Variants in ARFGAP2 observed in about 807,000 individuals in gnomAD.
ARFGAP2 encodes the protein ARF GTPase activating protein 2.
In ARFGAP2, 45 loss-of-function variants were observed where a neutral mutation model predicts 71.9. The observed-to-expected ratio is 0.63, with a 90% CI of 0.49 to 0.80. ARFGAP2 has a LOEUF of 0.80. Ranked by LOEUF, ARFGAP2 falls within the 30% of genes least tolerant of loss-of-function variation. The pLI, the probability that ARFGAP2 is intolerant of heterozygous loss-of-function variation, is 0.00. For missense variants in ARFGAP2, 633 were observed against 673.9 expected, an observed-to-expected ratio of 0.94 and a Z score of 0.67; for synonymous variants, 248 against 249.2, an observed-to-expected ratio of 1.00 and a Z score of 0.05.
rs1565123482 is a variant in ARFGAP2 at position 47,166,817 on chromosome 11, G to A, written c.1275C>T (p.Phe425=). 20 of 1,614,080 alleles carry A rather than the reference G, an allele frequency of 1.2e-5. 1 individual carries two copies. Among genetic ancestry groups the A allele is most frequent in the South Asian group, 4.4e-5 (4 of 91,088 alleles). The change falls in exon 13 of 16, where the codon TTC becomes TTT. Residue 425 remains phenylalanine, a synonymous_variant. Transcript: ENST00000524782. ...CAGATGAGATGGCTTTGGCTCCTGC[G>A]AATTTCTGACGCGCCTCACTAGACT... ...GLESSEARQK[F]AGAKAISSDM... is the part of the protein sequence containing the mutation.
intron 10 of ARFGAP2, among the ~76,000 whole-genome samples, chr11:47,170,844 G>C (rs1952571596): frequency 2.0e-5 from 3 of 152,108 alleles, no homozygotes; most frequent in Admixed American, 2.0e-4. Flanking sequence ...TATTTGGGAG[G>C]CTGAAGTGGA....
rs1402470859 is a variant in ARFGAP2, at chr11:47,176,098, T to C, written c.192-175A>G. The C allele has an allele frequency of 5.7e-5, 37 of 645,578 alleles. No individual in the cohort carries two copies. In the East Asian group the frequency reaches 9.6e-4, roughly 17 times the overall value. 40.0% of individuals were successfully genotyped at this position (645,578 alleles called of 1,614,324 possible). ...ATGAAAACTCTCCTCTTCGTTCATT[T>C]ACTCCAAAGAGTACTAATTATGTCC... On this transcript the variant is annotated intron_variant, in intron 2 of 15. Transcript: ENST00000524782.
At chr11:47,176,039 G>A (rs1952801419) in intron 2 of ARFGAP2, 116 bp from the exon 3 acceptor site, 2 of 967,420 alleles carry the variant, frequency 2.1e-6, no homozygotes, top group South Asian at 2.8e-5. Flanking sequence ...ACATTAATCA[G>A]CCATCACCCC....
rs377556524 is a variant in ARFGAP2 at position 47,174,690 on chromosome 11, C to T, written c.480+325G>A. 58 of 286,474 alleles carry T rather than the reference C, an allele frequency of 2.0e-4. No individual in the cohort carries two copies. The East Asian group carries it at 3.2e-3, about 16-fold the overall frequency. The allele number at this position is 286,474 out of a possible 1,614,324, so 17.7% of individuals were successfully genotyped here. On this transcript the variant is annotated intron_variant, in intron 5 of 15. Coordinates refer to ENST00000524782, the MANE Select transcript of ARFGAP2 (RefSeq NM_032389.6). ...GATTACAGGCGTGAGCCACTGCGCC[C>T]GGCCCACAGTGCCTTTCTTATAGGG... is the stretch of plus-strand genomic sequence containing the variant.
intron 10 of ARFGAP2, among the ~76,000 whole-genome samples, chr11:47,169,982 A>G (rs979606651): frequency 6.6e-6 from 1 of 152,172 alleles, no homozygotes; most frequent in East Asian, 1.9e-4. Context: ...GGGAGACCCA[A>G]TGTCCTTTCA....
Position 47,165,417 on chromosome 11 carries a change from C to A in ARFGAP2, c.*65G>T. ...CCAGCTTCCACAAGGCAAAGCATCC[C>A]CAGCCTGGGAACTGTGGAGTTCTTG... On this transcript the variant is annotated 3_prime_UTR_variant, in exon 16 of 16. Transcript: ENST00000524782. 6.5e-7 allele frequency: 1 copy of A among 1,535,016 alleles called. No homozygotes were observed. Among genetic ancestry groups the A allele is most frequent in the Non-Finnish European group, 8.8e-7 (1 of 1,140,108 alleles).
At chr11:47,171,578 C>G in intron 9 of ARFGAP2, 21 bp from the exon 10 acceptor site, 1 of 1,614,112 alleles carries the variant, frequency 6.2e-7, no homozygotes, top group Non-Finnish European at 8.5e-7. Context: ...ACAAAGGTGT[C>G]AGTGGCCACC....
At chr11:47,171,318 CAG>C (rs1221992815) in intron 10 of ARFGAP2, 106 bp downstream of exon 10, 2 of 1,519,238 alleles carry the variant, frequency 1.3e-6, no homozygotes, top group African/African-American at 2.8e-5. Flanking sequence ...GTGATCTATT[CAG>C]ACTTGGAGAA....
chr11:47,170,569 C>T (rs771647953), intron 10 of ARFGAP2, among the ~76,000 whole-genome samples: 24 of 151,468 alleles, frequency 1.6e-4, no homozygotes, highest in Non-Finnish European at 3.4e-4. Flanking sequence ...ATCACTTGAA[C>T]CCAGGAGGTA....
chr11:47,171,403 C>A (rs374182918), intron 10 of ARFGAP2, 23 bp downstream of exon 10: 4 of 1,612,532 alleles, frequency 2.5e-6, no homozygotes, highest in Non-Finnish European at 2.5e-6. Context: ...CATTTCCCTG[C>A]CACACCCGGA....
intron 5 of ARFGAP2, chr11:47,174,057 C>T (rs537702709): frequency 2.5e-6 from 2 of 813,472 alleles, no homozygotes. Context: ...TTACTTAGAG[C>T]CAGAGCCCAT....
rs1952290519 is a variant in ARFGAP2, at chr11:47,164,941, C to T, written c.*541G>A. ...GGTAACGCCCAGACAAAGGTCCTTC[C>T]CCTCTCCTGGCACCCAGAAGAGGCC... is the stretch of plus-strand genomic sequence containing the variant. On this transcript the variant is annotated 3_prime_UTR_variant, in exon 16 of 16. Transcript: ENST00000524782. 1 of 153,646 alleles carries T rather than the reference C, an allele frequency of 6.5e-6. No individual in the cohort carries two copies. The allele number at this position is 153,646 out of a possible 1,614,324, so 9.5% of individuals were successfully genotyped here. A position where few individuals can be genotyped will look rare whatever the true frequency, so the allele number is the denominator to read the frequency against.
intron 12 of ARFGAP2, 96 bp downstream of exon 12, chr11:47,167,813 A>T (rs760394234): frequency 8.0e-5 from 112 of 1,405,530 alleles, no homozygotes; most frequent in Non-Finnish European, 9.8e-5. Flanking sequence ...CCATCAACAC[A>T]GAAAGTTCTT....
Position 47,176,584 on chromosome 11 carries a change from G to A in ARFGAP2, c.123C>T (p.Tyr41=), listed in dbSNP as rs770748604. ...AACAGTCAATGCACAAGAAAACACC[G>A]TACGTGATGCTGGCCCAACTCGGAT... The part of the protein sequence containing the change: ...AKNPSWASIT[Y]GVFLCIDCSG... Residue 41 remains tyrosine, a synonymous_variant, in exon 2 of 16, where the codon TAC becomes TAT. Coordinates refer to ENST00000524782, the MANE Select transcript of ARFGAP2 (RefSeq NM_032389.6). The A allele has an allele frequency of 3.1e-6, 5 of 1,614,134 alleles. No homozygotes were observed. The highest frequency in any genetic ancestry group is 1.7e-5 in the Admixed American group (1 of 60,026).
chr11:47,166,407 G>T, intron 14 of ARFGAP2, 21 bp from the exon 15 acceptor site: 1 of 1,612,934 alleles, frequency 6.2e-7, no homozygotes, highest in South Asian at 1.1e-5. Flanking sequence ...AGAGCAGGGT[G>T]ACCCAGAGCC....
chr11:47,170,498 T>A (rs940499041), intron 10 of ARFGAP2, among the ~76,000 whole-genome samples: 22 of 151,630 alleles, frequency 1.5e-4, no homozygotes, highest in African/African-American at 5.1e-4. Flanking sequence ...ATACAAAAAA[T>A]TAGCCAGACA....
chr11:47,175,828 G>A, intron 3 of ARFGAP2, 23 bp downstream of exon 3: 3 of 1,613,970 alleles, frequency 1.9e-6, no homozygotes, highest in South Asian at 2.2e-5. Context: ...AATGGAAGGT[G>A]AGGGAAGTAG....
chr11:47,172,586 C>T (rs993819476), intron 7 of ARFGAP2: 8 of 1,207,310 alleles, frequency 6.6e-6, no homozygotes, highest in East Asian at 3.1e-5. Flanking sequence ...GCACCAGAGA[C>T]GTCCAAATTC....
chr11:47,166,210 T>C (rs1952369086), intron 15 of ARFGAP2, 58 bp downstream of exon 15: 4 of 1,548,178 alleles, frequency 2.6e-6, no homozygotes, highest in Admixed American at 1.7e-5. Flanking sequence ...AGTGTCTCTA[T>C]GTGGTGGCGA....
Sources: gnomAD v4.1 joint callset for allele counts (sites outside exome capture counted in the v4.1 genomes callset) on GRCh38, gnomAD v4.1.1 for gene constraint, MANE v1.5 for transcripts, NCBI Gene and HGNC (gene_info 2026-07-23, HGNC 2026-07-21) for gene names.